Variants in SLC19A1 observed in about 807,000 individuals in gnomAD.
The protein encoded by SLC19A1 is solute carrier family 19 member 1.
In SLC19A1, 37 loss-of-function variants were observed where a neutral mutation model predicts 35.3. The observed-to-expected ratio is 1.05, with a 90% CI of 0.81 to 1.38. The LOEUF is 1.38. Among genes scored for constraint, SLC19A1 ranks in the 40% most tolerant of loss-of-function variants. SLC19A1 has a pLI of 0.00. For synonymous variants in SLC19A1, 460 were observed against 398.5 expected (o/e 1.15, Z -1.84); for missense variants, 831 against 826.9 (o/e 1.00, Z -0.06).
At chr21:45,537,498 GTGCC>G (rs2078154004) in intron 2 of SLC19A1, among the ~76,000 whole-genome samples, 2 of 148,394 alleles carry the variant, frequency 1.3e-5, no homozygotes, top group African/African-American at 2.5e-5. Context: ...CAGCACCCCG[GTGCC>G]CACATGCCTA....
rs117865780 is a variant in SLC19A1, at chr21:45,552,417, C to T, written c.-50+10325G>A. On this transcript the variant is annotated intron_variant, in intron 1 of 5. Transcript: ENST00000650808. ...TGCCACCAGCAGGCAGTGTGGACAT[C>T]GGTGGCTGTTGGGTCGGGGGCCCCA... Among the ~76,000 whole-genome samples the T allele has an allele frequency of 4.5e-4, 68 of 152,128 alleles. No homozygotes were observed. The East Asian group carries it at 0.011, about 25-fold the overall frequency.
intron 3 of SLC19A1, chr21:45,505,913 G>A: frequency 6.2e-7 from 1 of 1,613,120 alleles, no homozygotes; most frequent in South Asian, 1.1e-5. Context: ...CATCTTCGTG[G>A]CCGAGCAGGA....
chr21:45,551,280 A>G (rs1040555595), intron 1 of SLC19A1, among the ~76,000 whole-genome samples: 1 of 152,082 alleles, frequency 6.6e-6, no homozygotes, highest in Non-Finnish European at 1.5e-5. Context: ...TCAAGTTTTA[A>G]TTGCTTTCCA....
chr21:45,507,452 G>C (rs1167369491), intron 3 of SLC19A1: 14 of 835,536 alleles, frequency 1.7e-5, no homozygotes, highest in Non-Finnish European at 2.5e-5. Context: ...ACCCTCCTGT[G>C]GGCTGGGAGG....
chr21:45,546,065 G>A (rs1216811309), upstream of SLC19A1, among the ~76,000 whole-genome samples: 2 of 152,340 alleles, frequency 1.3e-5, no homozygotes, highest in African/African-American at 4.8e-5. Flanking sequence ...GGGGCCCAAA[G>A]GTCTGGAGAA....
upstream of SLC19A1, among the ~76,000 whole-genome samples, chr21:45,548,297 AC>A (rs1461307544): frequency 6.6e-6 from 1 of 152,240 alleles, no homozygotes; most frequent in Non-Finnish European, 1.5e-5. Flanking sequence ...ACCCTGTCAA[AC>A]TTGTAGATCT....
chr21:45,520,928 G>A (rs1378838201), intron 5 of SLC19A1, among the ~76,000 whole-genome samples: 1 of 151,882 alleles, frequency 6.6e-6, no homozygotes, highest in Admixed American at 6.6e-5. Context: ...GCTGAGACAG[G>A]AGAATTGCTT....
downstream of SLC19A1, chr21:45,512,439 C>G: frequency 6.3e-7 from 1 of 1,584,030 alleles, no homozygotes; most frequent in Non-Finnish European, 8.6e-7. Context: ...ACCGGCGGCT[C>G]GGAGGAAGCC....
chr21:45,542,247 C>G (rs2078333160), intron 1 of SLC19A1, 121 bp downstream of exon 1: 1 of 147,412 alleles, frequency 6.8e-6, no homozygotes, highest in African/African-American at 2.5e-5. Flanking sequence ...CCAGCGCCAG[C>G]CCCCACACTC....
rs942156429 is a variant in SLC19A1 at position 45,517,046 on chromosome 21, G to A, written c.1294-906C>T. 6.6e-6 allele frequency among the ~76,000 whole-genome samples: 1 copy of A among 152,068 alleles called. No homozygotes were observed. Among genetic ancestry groups the A allele is most frequent in the Admixed American group, 6.5e-5 (1 of 15,270 alleles). On this transcript the variant is annotated intron_variant, in intron 5 of 5. Coordinates refer to ENST00000311124, the MANE Select transcript of SLC19A1 (RefSeq NM_194255.4). The surrounding 1 kb of genome is among the most constrained non-coding windows in gnomAD (Gnocchi z 4.4). ...GAGGACAGACTGACCAGGCCCTCGGGGTCTGGGGAGCTGTGCCACACAAGG... is the reference window on the plus strand; with the variant it reads ...GAGGACAGACTGACCAGGCCCTCGGAGTCTGGGGAGCTGTGCCACACAAGG...
downstream of SLC19A1, chr21:45,510,372 A>C: frequency 8.0e-7 from 1 of 1,250,616 alleles, no homozygotes; most frequent in East Asian, 2.5e-5. Flanking sequence ...ACCATGTTAC[A>C]GACACTGGCG....
downstream of SLC19A1, among the ~76,000 whole-genome samples, chr21:45,507,923 C>T (rs1257088272): frequency 6.6e-6 from 1 of 152,240 alleles, no homozygotes; most frequent in East Asian, 1.9e-4. Context: ...TGCCTTCCCT[C>T]ACCCAAAGTG....
chr21:45,517,398 T>G lies in SLC19A1; in HGVS notation c.1294-1258A>C, dbSNP rs951092416. ...CCAGCCTGTAACAAGGACCCCCGAG[T>G]CCCCTGCGGGGTGGTGTCAGACAAC... On this transcript the variant is annotated intron_variant, in intron 5 of 5. Coordinates refer to ENST00000311124, the MANE Select transcript of SLC19A1 (RefSeq NM_194255.4). The surrounding 1 kb of genome is among the most constrained non-coding windows in gnomAD (Gnocchi z 4.4). Among the ~76,000 whole-genome samples the G allele has an allele frequency of 1.4e-5, 2 of 148,002 alleles. No homozygotes were observed. The highest frequency in any genetic ancestry group is 3.0e-5 in the Non-Finnish European group (2 of 67,096).
intron 1 of SLC19A1, among the ~76,000 whole-genome samples, chr21:45,555,659 G>A (rs2078553404): frequency 6.6e-6 from 1 of 151,840 alleles, no homozygotes; most frequent in Admixed American, 6.6e-5. Context: ...GGGCGGGGCG[G>A]CCCGCGTGGG....
At chr21:45,509,940 C>A (rs370147371), downstream of SLC19A1, 337 of 1,142,024 alleles carry the variant, frequency 3.0e-4, 4 homozygotes, top group Middle Eastern at 2.9e-3. Flanking sequence ...CACTTGCGCG[C>A]CTCCCGCTCA....
chr21:45,529,747 G>A lies in SLC19A1; in HGVS notation c.1151+1023C>T, dbSNP rs531219500. On this transcript the variant is annotated intron_variant, in intron 4 of 5. Coordinates refer to ENST00000311124, the MANE Select transcript of SLC19A1 (RefSeq NM_194255.4). ...CGTGTAGCATGTCCATGTGTGCTGT[G>A]TCCATGTGTAAGCATGTGGTGTGTT... 5.3e-5 allele frequency among the ~76,000 whole-genome samples: 8 copies of A among 151,262 alleles called. No individual in the cohort carries two copies. The South Asian group carries it at 1.7e-3, about 32-fold the overall frequency.
chr21:45,559,279 C>G (rs751726455), intron 1 of SLC19A1, among the ~76,000 whole-genome samples: 3 of 152,160 alleles, frequency 2.0e-5, no homozygotes, highest in African/African-American at 7.2e-5. Flanking sequence ...AACATCGCAA[C>G]GTTGAGGCCG....
At chr21:45,535,159 G>A (rs1165173787) in intron 2 of SLC19A1, among the ~76,000 whole-genome samples, 2 of 152,198 alleles carry the variant, frequency 1.3e-5, no homozygotes, top group East Asian at 3.9e-4. Context: ...CTGTGCACAG[G>A]GTCCTGGGCC....
intron 1 of SLC19A1, chr21:45,541,956 C>A (rs922478681): frequency 6.6e-6 from 1 of 152,262 alleles, no homozygotes; most frequent in Non-Finnish European, 1.5e-5. Flanking sequence ...CGGCGGGAAA[C>A]CCGCTGCACA....
Sources: allele counts gnomAD v4.1 joint callset (sites outside exome capture counted in the v4.1 genomes callset), GRCh38; gene constraint gnomAD v4.1.1; non-coding constraint Gnocchi (gnomAD v3.1); transcripts MANE v1.5; gene names NCBI Gene and HGNC (gene_info 2026-07-23, HGNC 2026-07-21).